SLC41A3: variants seen among roughly 807,000 people sequenced by gnomAD.
SLC41A3 encodes the protein solute carrier family 41 member 3.
A neutral mutation model predicts 45.4 loss-of-function variants in SLC41A3; 44 were observed. The ratio of observed to expected loss-of-function variants is 0.97; its 90% confidence interval spans 0.76 to 1.25. SLC41A3 has a LOEUF of 1.25. Among genes scored for constraint, SLC41A3 ranks in the 50% most tolerant of loss-of-function variants. The pLI, the probability that SLC41A3 is intolerant of heterozygous loss-of-function variation, is 0.00. For missense variants in SLC41A3, 550 were observed against 600.6 expected (o/e 0.92, Z 0.88); for synonymous variants, 256 against 252.4 (o/e 1.01, Z -0.13).
In SLC41A3 at chr3:126,050,846, G is replaced by A. The variant is rs1943279636; in HGVS notation, c.381+97C>T. The A allele has an allele frequency of 2.7e-6, 4 of 1,458,506 alleles. No homozygotes were observed. The African/African-American group carries it at 4.2e-5, about 15-fold the overall frequency. The allele number at this position is 1,458,506 out of a possible 1,614,324, so 90.3% of individuals were successfully genotyped here. A position where few individuals can be genotyped will look rare whatever the true frequency, so the allele number is the denominator to read the frequency against. ...ACCCAGAAATATCCATTGTTTTGGA[G>A]AATCCAACCCACCGCCCACAAGCCA... On this transcript the variant is annotated intron_variant, in intron 3 of 10. Transcript: ENST00000360370.
intron 1 of SLC41A3, among the ~76,000 whole-genome samples, chr3:126,082,917 G>T (rs1257008241): frequency 6.6e-6 from 1 of 152,214 alleles, no homozygotes; most frequent in African/African-American, 2.4e-5. Flanking sequence ...CTTCACAGGG[G>T]ACCTCGCCTC....
rs571471075 is a variant in SLC41A3, at chr3:126,036,517, C to T, written c.382-2839G>A. On this transcript the variant is annotated intron_variant, in intron 3 of 10. Transcript: ENST00000360370. ...CTACACGCACAGCCCCAACCCCACC[C>T]GCCAGGATCTGGAAACTGCCTTTCT... Among the ~76,000 whole-genome samples the T allele has an allele frequency of 1.8e-4, 27 of 152,302 alleles. 1 individual carries two copies. The highest frequency in any genetic ancestry group is 1.4e-3 in the Admixed American group (22 of 15,306).
intron 2 of SLC41A3, among the ~76,000 whole-genome samples, chr3:126,051,324 C>T (rs574087836): frequency 6.6e-6 from 1 of 152,348 alleles, no homozygotes; most frequent in South Asian, 2.1e-4. Context: ...TGCATGTGCT[C>T]TGCACCATGG....
At chr3:126,025,073 A>G (rs1012955835) in intron 5 of SLC41A3, 11 of 152,268 alleles carry the variant, frequency 7.2e-5, no homozygotes, top group African/African-American at 2.7e-4. Context: ...AGTGTCCTGT[A>G]TATTCATAAG....
At chr3:126,048,789 A>G (rs1203323097) in intron 3 of SLC41A3, among the ~76,000 whole-genome samples, 1 of 152,222 alleles carries the variant, frequency 6.6e-6, no homozygotes, top group Non-Finnish European at 1.5e-5. Flanking sequence ...AGAACTTTCC[A>G]GGGAGATGGA....
chr3:126,075,384 A>G (rs1468323086), intron 1 of SLC41A3, among the ~76,000 whole-genome samples: 1 of 152,194 alleles, frequency 6.6e-6, no homozygotes, highest in Non-Finnish European at 1.5e-5. Context: ...TACCCTGAAA[A>G]CTATAAAACA....
Position 126,021,263 on chromosome 3 carries a change from C to T in SLC41A3, c.745+1523G>A, listed in dbSNP as rs900461917. 5.3e-5 allele frequency among the ~76,000 whole-genome samples: 8 copies of T among 152,290 alleles called. No homozygotes were observed. In the South Asian group the frequency reaches 6.2e-4, roughly 12 times the overall value. ...GTCCTCCTTTTGTTCTTCCCCTGGG[C>T]GGGCCTTTATCTATCACATGTGCAG... On this transcript the variant is annotated intron_variant, in intron 6 of 10. Transcript: ENST00000360370.
chr3:126,036,498 G>A (rs116658891), intron 3 of SLC41A3, among the ~76,000 whole-genome samples: 322 of 152,158 alleles, frequency 2.1e-3, no homozygotes, highest in African/African-American at 7.2e-3. Flanking sequence ...ACAGCTACAC[G>A]CACAGCCCCA....
At chr3:126,020,956 GCT>G (rs1341525184) in intron 6 of SLC41A3, among the ~76,000 whole-genome samples, 16 of 151,442 alleles carry the variant, frequency 1.1e-4, no homozygotes, top group Non-Finnish European at 2.1e-4. Flanking sequence ...GTACAGTGGC[GCT>G]ATCCCGGCTC....
At chr3:126,021,758 A>AAACTT (rs1477739056) in intron 6 of SLC41A3, among the ~76,000 whole-genome samples, 3 of 152,176 alleles carry the variant, frequency 2.0e-5, no homozygotes, top group Admixed American at 2.0e-4. Context: ...CCTGAGCCCA[A>AAACTT]AACTTAAGAA....
chr3:126,023,024 G>A, intron 5 of SLC41A3, 92 bp from the exon 6 acceptor site: 1 of 1,520,962 alleles, frequency 6.6e-7, no homozygotes, highest in Non-Finnish European at 8.9e-7. Context: ...GGGCGGCACT[G>A]AGTAGGGACT....
chr3:126,068,139 G>A lies in SLC41A3; in HGVS notation c.81C>T (p.Ser27=). 1.9e-6 allele frequency: 3 copies of A among 1,607,560 alleles called. No individual in the cohort carries two copies. The highest frequency in any genetic ancestry group is 2.2e-5 in the East Asian group (1 of 44,800). Reference sequence around the variant, plus strand: ...CTGAGGCTACAGGGAGTCCTCCTGTGCTGAGGGGGTGAGGAAGCCCCAGCT... The same window carrying A: ...CTGAGGCTACAGGGAGTCCTCCTGTACTGAGGGGGTGAGGAAGCCCCAGCT... ...PGELGLPHPL[S]TGGLPVASED... The change falls in exon 2 of 11, where the codon AGC becomes AGT. Residue 27 remains serine, a synonymous_variant. Transcript: ENST00000360370.
In SLC41A3 at chr3:126,074,914, G is replaced by A. The variant is rs183579534; in HGVS notation, c.-27-6668C>T. On this transcript the variant is annotated intron_variant, in intron 1 of 10. Transcript: ENST00000360370. ...GCTGGTCTCAAACTCCTGAGCTCAGGTGATCCTCCCACCTCAGCCTCCTGA... is the reference window on the plus strand; with the variant it reads ...GCTGGTCTCAAACTCCTGAGCTCAGATGATCCTCCCACCTCAGCCTCCTGA... Among the ~76,000 whole-genome samples, 978 of 151,380 alleles carry A rather than the reference G, an allele frequency of 6.5e-3. 9 individuals are homozygous for A. Among genetic ancestry groups the A allele is most frequent in the Non-Finnish European group, 0.011 (719 of 67,794 alleles).
chr3:126,006,395 G>A lies in SLC41A3; in HGVS notation c.*621C>T. 1 of 1,606,370 alleles carries A rather than the reference G, an allele frequency of 6.2e-7. No homozygotes were observed. Among genetic ancestry groups the A allele is most frequent in the Non-Finnish European group, 8.5e-7 (1 of 1,175,942 alleles). On this transcript the variant is annotated 3_prime_UTR_variant, in exon 11 of 11. Transcript: ENST00000360370. ...AATCTGTTTTATTTTACACTTCTCT[G>A]ATTATTGAAATCTAAATAGAGGTTT...
intron 1 of SLC41A3, chr3:126,070,344 G>A (rs912255193): frequency 4.6e-5 from 7 of 152,232 alleles, no homozygotes; most frequent in African/African-American, 1.7e-4. Flanking sequence ...CCTCATAGGA[G>A]CTCAAACCGT....
At chr3:126,077,862 G>A (rs536819040) in intron 1 of SLC41A3, among the ~76,000 whole-genome samples, 4 of 152,314 alleles carry the variant, frequency 2.6e-5, no homozygotes, top group East Asian at 1.9e-4. Context: ...CAAAGGAGCC[G>A]CCGGCCTGGG....
intron 1 of SLC41A3, among the ~76,000 whole-genome samples, chr3:126,074,847 C>T (rs1172018809): frequency 6.6e-6 from 1 of 151,856 alleles, no homozygotes; most frequent in African/African-American, 2.4e-5. Flanking sequence ...TGCTCAGCTA[C>T]TATTTTATTT....
At chr3:126,037,037 C>A (rs1680653206) in intron 3 of SLC41A3, among the ~76,000 whole-genome samples, 1 of 152,122 alleles carries the variant, frequency 6.6e-6, no homozygotes, top group African/African-American at 2.4e-5. Context: ...GAAATGTGAT[C>A]CCCAGTATTG....
intron 2 of SLC41A3, among the ~76,000 whole-genome samples, chr3:126,055,521 CA>C (rs1943598768): frequency 6.6e-6 from 1 of 151,916 alleles, no homozygotes; most frequent in South Asian, 2.1e-4. Flanking sequence ...CTCAAAAAAA[CA>C]AAAAGCAAAA....
Sources: gnomAD v4.1 joint callset for allele counts (sites outside exome capture counted in the v4.1 genomes callset) on GRCh38, gnomAD v4.1.1 for gene constraint, MANE v1.5 for transcripts, NCBI Gene and HGNC (gene_info 2026-07-23, HGNC 2026-07-21) for gene names.